Variants in PATJ observed in about 807,000 individuals in gnomAD.
PATJ encodes the protein PATJ crumbs cell polarity complex component, also known as inaD-like protein.
A neutral mutation model predicts 224.9 loss-of-function variants in PATJ; 190 were observed. The ratio of observed to expected loss-of-function variants is 0.84; its 90% CI spans 0.75 to 0.95. The LOEUF (loss-of-function observed/expected upper bound fraction) is 0.95. Among genes scored for constraint, PATJ ranks in the 40% least tolerant of loss-of-function variants. The pLI, the probability that PATJ is intolerant of heterozygous loss-of-function variation, is 0.00. For synonymous variants in PATJ, 769 were observed against 820.3 expected (o/e 0.94, Z 1.07); for missense variants, 2,121 against 2,270.3 (o/e 0.93, Z 1.34).
At position 61,943,643 on chromosome 1, in the gene PATJ, A is replaced by C. The variant is rs994408540; in HGVS notation, c.3670+15814A>C. Among the ~76,000 whole-genome samples the C allele has an allele frequency of 3.9e-5, 6 of 151,960 alleles. No individual in the cohort carries two copies. The East Asian group carries it at 5.8e-4, about 15-fold the overall frequency. On this transcript the variant is annotated intron_variant, in intron 27 of 43. Coordinates refer to ENST00000642238, the MANE Select transcript of PATJ (RefSeq NM_001350145.3). ...CAAGGAGGCCTGCCTGCCTCTGTAG[A>C]CTCCACCTCTGGGGGCAGGGCATAG...
At chr1:61,755,308 C>CAA (rs570167460) in intron 1 of PATJ, among the ~76,000 whole-genome samples, 2 of 81,412 alleles carry the variant, frequency 2.5e-5, no homozygotes, top group African/African-American at 4.6e-5. Context: ...GACTCTGTCT[C>CAA]AAAAAAAAAA....
At chr1:62,089,482 T>C (rs1660450831) in intron 33 of PATJ, among the ~76,000 whole-genome samples, 1 of 152,030 alleles carries the variant, frequency 6.6e-6, no homozygotes, top group Non-Finnish European at 1.5e-5. Context: ...AGGATAAGCA[T>C]GACTTTAAAA....
At chr1:61,820,323 C>A (rs1312629795) in intron 14 of PATJ, among the ~76,000 whole-genome samples, 1 of 151,980 alleles carries the variant, frequency 6.6e-6, no homozygotes, top group Non-Finnish European at 1.5e-5. Flanking sequence ...CAGGCGTGAG[C>A]CACCGTGCCT....
intron 43 of PATJ, among the ~76,000 whole-genome samples, chr1:62,158,379 T>C (rs1669459677): frequency 6.7e-6 from 1 of 148,322 alleles, no homozygotes; most frequent in Non-Finnish European, 1.5e-5. Context: ...ATGCCTGTAA[T>C]CCCAGCACTT....
At chr1:61,824,377 T>C (rs1657847312) in intron 15 of PATJ, among the ~76,000 whole-genome samples, 1 of 151,848 alleles carries the variant, frequency 6.6e-6, no homozygotes, top group African/African-American at 2.4e-5. Flanking sequence ...CTTTTTTTTT[T>C]TTTGGTGGCA....
At chr1:61,893,231 G>T (rs1557833418) in intron 22 of PATJ, among the ~76,000 whole-genome samples, 1 of 152,094 alleles carries the variant, frequency 6.6e-6, no homozygotes, top group African/African-American at 2.4e-5. Flanking sequence ...TGAATAAAAT[G>T]TGTGTATACT....
intron 11 of PATJ, among the ~76,000 whole-genome samples, chr1:61,800,655 T>A (rs1334534204): frequency 6.6e-6 from 1 of 152,222 alleles, no homozygotes; most frequent in Non-Finnish European, 1.5e-5. Flanking sequence ...TATATGTACA[T>A]GTGCCATGTT....
intron 27 of PATJ, among the ~76,000 whole-genome samples, chr1:61,944,600 T>C (rs1678372238): frequency 1.3e-5 from 2 of 152,200 alleles, no homozygotes; most frequent in South Asian, 4.1e-4. Context: ...CTACGTCTGA[T>C]TGGTGTACCT....
chr1:62,160,972 C>T lies in PATJ; in HGVS notation c.5567C>T (p.Thr1856Ile). ...GDQILAVNGE[T>I]LEGVTHEQAV... ...CAGATTTTAGCTGTTAATGGCGAGA[C>T]CCTGGAAGGTGTTACTCATGAGCAA... The change falls in exon 44 of 44, where the codon ACC becomes ATC. Residue 1856 changes from threonine to isoleucine, a missense_variant. Transcript: ENST00000642238. 1 of 1,613,486 alleles carries T rather than the reference C, an allele frequency of 6.2e-7. No homozygotes were observed. The highest frequency in any genetic ancestry group is 8.5e-7 in the Non-Finnish European group (1 of 1,179,828).
intron 21 of PATJ, among the ~76,000 whole-genome samples, chr1:61,876,982 A>G (rs1159589289): frequency 6.6e-6 from 1 of 152,216 alleles, no homozygotes; most frequent in Admixed American, 6.5e-5. Context: ...TAGTGTTACA[A>G]GATTTTGGAA....
intron 31 of PATJ, among the ~76,000 whole-genome samples, chr1:62,054,551 A>T (rs1397967873): frequency 6.6e-6 from 1 of 152,144 alleles, no homozygotes; most frequent in African/African-American, 2.4e-5. Context: ...AGGGGGAAAT[A>T]ACTTTTTTGT....
chr1:61,787,214 C>T (rs1490457121), intron 7 of PATJ, among the ~76,000 whole-genome samples: 1 of 152,206 alleles, frequency 6.6e-6, no homozygotes, highest in Non-Finnish European at 1.5e-5. Flanking sequence ...TGTTTCAAAA[C>T]TCTGCTCGAT....
chr1:61,808,490 C>T lies in PATJ; in HGVS notation c.1643C>T (p.Thr548Ile). Residue 548 changes from threonine to isoleucine, a missense_variant, in exon 14 of 44, where the codon ACA becomes ATA. Physicochemically the swap from Thr to Ile is moderately conservative, Grantham distance 89 (BLOSUM62 -1). Coordinates refer to ENST00000642238, the MANE Select transcript of PATJ (RefSeq NM_001350145.3). ...DYEVMVATLD[T>I]QIADDAELQK... ...TAAATTTAGGTTGCTACTTTGGACACACAGATTGCAGATGATGCTGAGTTA... is the reference window on the plus strand; with the variant it reads ...TAAATTTAGGTTGCTACTTTGGACATACAGATTGCAGATGATGCTGAGTTA... 1.2e-6 allele frequency: 2 copies of T among 1,607,548 alleles called. No individual in the cohort carries two copies. Among genetic ancestry groups the T allele is most frequent in the South Asian group, 2.2e-5 (2 of 90,700 alleles).
At chr1:61,829,986 C>T (rs1481250504) in intron 16 of PATJ, among the ~76,000 whole-genome samples, 1 of 152,160 alleles carries the variant, frequency 6.6e-6, no homozygotes, top group African/African-American at 2.4e-5. Context: ...CCACTCATTT[C>T]AAGTTTTCAG....
chr1:62,039,158 A>G (rs1650999161), intron 30 of PATJ: 1 of 590,336 alleles, frequency 1.7e-6, no homozygotes, highest in East Asian at 3.2e-5. Flanking sequence ...ACTCCATCCT[A>G]CCTTTGTTAA....
intron 6 of PATJ, among the ~76,000 whole-genome samples, chr1:61,773,679 C>T (rs1282797770): frequency 2.6e-5 from 4 of 151,690 alleles, no homozygotes; most frequent in African/African-American, 7.3e-5. Context: ...CCCAGCTGGT[C>T]GGGAGGCTGA....
At chr1:61,951,420 G>GAT (rs1203802653) in intron 27 of PATJ, among the ~76,000 whole-genome samples, 1 of 152,056 alleles carries the variant, frequency 6.6e-6, no homozygotes, top group Admixed American at 6.5e-5. Context: ...TTACTCATAT[G>GAT]ATACAGTGAT....
chr1:61,970,940 A>G (rs1682892117), intron 27 of PATJ, among the ~76,000 whole-genome samples: 2 of 152,234 alleles, frequency 1.3e-5, no homozygotes, highest in South Asian at 4.1e-4. Flanking sequence ...AAATTTAATC[A>G]GAATTATGTT....
Position 62,144,777 on chromosome 1 carries a change from A to AAAAAAAT in PATJ, c.5272-3506_5272-3505insAAAAATA, listed in dbSNP as rs377489788. Among the ~76,000 whole-genome samples, 4 of 119,100 alleles carry AAAAAAAT rather than the reference A, an allele frequency of 3.4e-5. 1 individual carries two copies. In the South Asian group the frequency reaches 1.1e-3, roughly 32 times the overall value. 78.1% of individuals were successfully genotyped at this position (119,100 alleles called of 152,430 possible). A position where few individuals can be genotyped will look rare whatever the true frequency, so the allele number is the denominator to read the frequency against. ...TAGAATGTTATTTGCAAAAAAAAAA[A>AAAAAAAT]ATATATATATATATATATAATTAGC... On this transcript the variant is annotated intron_variant, in intron 41 of 43. Coordinates refer to ENST00000642238, the MANE Select transcript of PATJ (RefSeq NM_001350145.3).
Sources: gnomAD v4.1 joint callset for allele counts (sites outside exome capture counted in the v4.1 genomes callset) on GRCh38, gnomAD v4.1.1 for gene constraint, MANE v1.5 for transcripts, NCBI Gene and HGNC (gene_info 2026-07-23, HGNC 2026-07-21) for gene names.